PTPN13: variants seen among roughly 807,000 people sequenced by gnomAD.
The protein encoded by PTPN13 is tyrosine-protein phosphatase non-receptor type 13.
A neutral mutation model predicts 284.0 loss-of-function variants in PTPN13; 191 were observed. That is an observed-to-expected ratio of 0.67 (90% CI 0.60 to 0.76). PTPN13 has a LOEUF of 0.76. Among genes scored for constraint, PTPN13 ranks in the 30% least tolerant of loss-of-function variants. The pLI is 0.00. For missense variants in PTPN13, 2,797 were observed against 2,939.9 expected (o/e 0.95, Z 1.12); for synonymous variants, 986 against 1,022.3 (o/e 0.96, Z 0.68).
At position 86,686,789 on chromosome 4, in the gene PTPN13, T is replaced by G. The variant is rs1329125080; in HGVS notation, c.360+14T>G. ...CCTCAGAGCCAAGTAAGTTAAGTTT[T>G]TACAGTTGTTATACTTTTTACATAT... is the stretch of plus-strand genomic sequence containing the variant. On this transcript the variant is annotated intron_variant, in intron 4 of 47. Coordinates refer to ENST00000411767, the MANE Select transcript of PTPN13 (RefSeq NM_080683.3). The G allele has an allele frequency of 6.6e-7, 1 of 1,522,590 alleles. No homozygotes were observed. Among genetic ancestry groups the G allele is most frequent in the South Asian group, 1.2e-5 (1 of 82,114 alleles). 94.3% of individuals were successfully genotyped at this position (1,522,590 alleles called of 1,614,324 possible). A position where few individuals can be genotyped will look rare whatever the true frequency, so the allele number is the denominator to read the frequency against.
intron 18 of PTPN13, 69 bp from the exon 19 acceptor site, chr4:86,750,958 A>G: frequency 1.9e-6 from 3 of 1,562,582 alleles, no homozygotes; most frequent in Non-Finnish European, 2.6e-6. Context: ...TTTTGTTATG[A>G]CATTTTATTA....
rs997739741 is a variant in PTPN13, at chr4:86,726,709, G to A, written c.1608+4275G>A. Reference sequence around the variant, plus strand: ...GTTGCTTATCAGCTTAAGGAGATTCGGGGCTGAGACGATGGGGTTTTCTAA... The same window carrying A: ...GTTGCTTATCAGCTTAAGGAGATTCAGGGCTGAGACGATGGGGTTTTCTAA... On this transcript the variant is annotated intron_variant, in intron 10 of 47. Transcript: ENST00000411767. Among the ~76,000 whole-genome samples, 14 of 149,018 alleles carry A rather than the reference G, an allele frequency of 9.4e-5. 1 individual carries two copies. Among genetic ancestry groups the A allele is most frequent in the African/African-American group, 3.2e-4 (13 of 40,866 alleles).
chr4:86,781,086 A>G (rs1185095900), intron 36 of PTPN13, among the ~76,000 whole-genome samples: 1 of 152,188 alleles, frequency 6.6e-6, no homozygotes, highest in Non-Finnish European at 1.5e-5. Context: ...GAAATTTAAT[A>G]ATATTTTTCT....
intron 7 of PTPN13, among the ~76,000 whole-genome samples, chr4:86,715,927 G>C (rs942933513): frequency 6.6e-6 from 1 of 152,256 alleles, no homozygotes; most frequent in South Asian, 2.1e-4. Context: ...CCCTGGGCTC[G>C]GCCCTCTTGT....
chr4:86,647,836 A>G (rs1374823318), intron 2 of PTPN13, among the ~76,000 whole-genome samples: 1 of 152,122 alleles, frequency 6.6e-6, no homozygotes, highest in East Asian at 1.9e-4. Flanking sequence ...TCTATAAGCC[A>G]AGAAGAGAGT....
chr4:86,780,392 T>G lies in PTPN13; in HGVS notation c.5892-10T>G. 6.2e-7 allele frequency: 1 copy of G among 1,602,596 alleles called. No individual in the cohort carries two copies. Among genetic ancestry groups the G allele is most frequent in the Non-Finnish European group, 8.5e-7 (1 of 1,173,764 alleles). ...AAGACAATTTACAGTTGTCTTTTTTTACAACACAGAAATGATCTTCCAGTG... is the reference window on the plus strand; with the variant it reads ...AAGACAATTTACAGTTGTCTTTTTTGACAACACAGAAATGATCTTCCAGTG... On this transcript the variant is annotated splice_polypyrimidine_tract_variant and intron_variant, in intron 35 of 47. Coordinates refer to ENST00000411767, the MANE Select transcript of PTPN13 (RefSeq NM_080683.3).
At chr4:86,807,935 C>T in intron 45 of PTPN13, 38 bp downstream of exon 45, 4 of 1,535,992 alleles carry the variant, frequency 2.6e-6, no homozygotes, top group Non-Finnish European at 8.9e-7. Flanking sequence ...GAAGGTGTAT[C>T]TCCTAGTTGT....
chr4:86,677,961 C>T (rs1728479845), intron 3 of PTPN13, among the ~76,000 whole-genome samples: 1 of 152,112 alleles, frequency 6.6e-6, no homozygotes, highest in Non-Finnish European at 1.5e-5. Flanking sequence ...CAGCAGATCC[C>T]TGGGGCCATT....
At chr4:86,693,745 T>G in intron 6 of PTPN13, 71 bp downstream of exon 6, 1 of 1,117,962 alleles carries the variant, frequency 8.9e-7, no homozygotes, top group Non-Finnish European at 1.2e-6. Flanking sequence ...AAATTATACT[T>G]ACCTGGCTTT....
intron 10 of PTPN13, among the ~76,000 whole-genome samples, chr4:86,726,574 A>C (rs1485199251): frequency 6.7e-6 from 1 of 149,036 alleles, no homozygotes; most frequent in East Asian, 1.9e-4. Flanking sequence ...TTTTCTTTGT[A>C]GTAATTGTGA....
intron 35 of PTPN13, among the ~76,000 whole-genome samples, chr4:86,779,077 AAAAGAT>A (rs1281781996): frequency 1.3e-5 from 2 of 151,908 alleles, no homozygotes; most frequent in Admixed American, 1.3e-4. Context: ...AAAAAAAAAA[AAAAGAT>A]GACAAAGAAA....
intron 17 of PTPN13, among the ~76,000 whole-genome samples, chr4:86,746,876 C>T (rs1187209): frequency 0.21 from 32,095 of 152,018 alleles, 4,189 homozygotes; most frequent in South Asian, 0.46. Flanking sequence ...GTGATCTGCC[C>T]GCCTCGGCCT....
At chr4:86,759,097 T>C (rs776727147) in intron 23 of PTPN13, 24 bp downstream of exon 23, 5 of 1,604,040 alleles carry the variant, frequency 3.1e-6, no homozygotes, top group Admixed American at 3.4e-5. Context: ...CTCTTACTTA[T>C]GTATTCTGTT....
At chr4:86,784,403 T>A in intron 37 of PTPN13, 62 bp from the exon 38 acceptor site, 2 of 1,075,640 alleles carry the variant, frequency 1.9e-6, no homozygotes, top group Non-Finnish European at 2.7e-6. Flanking sequence ...CAATGTGCAG[T>A]CCCCCGATCC....
chr4:86,734,615 T>C (rs763488361), intron 13 of PTPN13, 122 bp from the exon 14 acceptor site: 102 of 1,302,510 alleles, frequency 7.8e-5, no homozygotes, highest in Non-Finnish European at 1.0e-4. Flanking sequence ...CCTTATGCCT[T>C]AAAAGCTTAA....
chr4:86,660,306 T>C (rs1280138235), intron 2 of PTPN13, among the ~76,000 whole-genome samples: 7 of 152,072 alleles, frequency 4.6e-5, no homozygotes, highest in Admixed American at 4.6e-4. Flanking sequence ...AGTGTAAAAC[T>C]TCCCATCTGG....
chr4:86,598,432 A>G (rs1162408433), intron 1 of PTPN13, among the ~76,000 whole-genome samples: 1 of 152,222 alleles, frequency 6.6e-6, no homozygotes, highest in Non-Finnish European at 1.5e-5. Flanking sequence ...GGCGTGAGCC[A>G]CCGTGCCTGG....
In PTPN13 at chr4:86,701,451, C is replaced by T. The variant is rs368916880; in HGVS notation, c.845C>T (p.Pro282Leu). The change falls in exon 7 of 48, where the codon CCA (proline) becomes CTA (leucine). Residue 282 changes from proline to leucine, a missense_variant. Coordinates refer to ENST00000411767, the MANE Select transcript of PTPN13 (RefSeq NM_080683.3). ...FSPYQFKTSG[P>L]EKKPIPGIDV... ...CCTTACCAGTTCAAAACTAGTGGCCCAGAAAAAAAACCCATCCCTGGCATT... is the reference window on the plus strand; with the variant it reads ...CCTTACCAGTTCAAAACTAGTGGCCTAGAAAAAAAACCCATCCCTGGCATT... 6.2e-7 allele frequency: 1 copy of T among 1,613,652 alleles called. No homozygotes were observed. Among genetic ancestry groups the T allele is most frequent in the African/African-American group, 1.3e-5 (1 of 75,002 alleles).
At chr4:86,646,908 GCAA>G (rs551372291) in intron 2 of PTPN13, among the ~76,000 whole-genome samples, 125 of 152,270 alleles carry the variant, frequency 8.2e-4, no homozygotes, top group Admixed American at 1.5e-3. Context: ...ATTGATACAT[GCAA>G]CAACATCGAT....
Sources: gnomAD v4.1 joint callset for allele counts (sites outside exome capture counted in the v4.1 genomes callset) on GRCh38, gnomAD v4.1.1 for gene constraint, MANE v1.5 for transcripts, NCBI Gene and HGNC (gene_info 2026-07-23, HGNC 2026-07-21) for gene names.